The following SLC24A3 variants were observed in gnomAD, a reference collection of about 807,000 sequenced individuals.
SLC24A3 encodes solute carrier family 24 member 3.
In SLC24A3, 28 loss-of-function variants were observed where a neutral mutation model predicts 75.8. The ratio of observed to expected loss-of-function variants is 0.37; its 90% CI spans 0.27 to 0.51. SLC24A3 has a LOEUF of 0.51. Ranked by LOEUF, SLC24A3 falls within the 20% of genes least tolerant of loss-of-function variation. The probability of loss-of-function intolerance (pLI) is 0.94; values close to 1 mark genes in which losing one functional copy is unlikely to be tolerated. For synonymous variants in SLC24A3, 372 were observed against 334.1 expected, an observed-to-expected ratio of 1.11 and a Z score of -1.24; for missense variants, 663 against 847.8, an observed-to-expected ratio of 0.78 and a Z score of 2.71.
intron 2 of SLC24A3, among the ~76,000 whole-genome samples, chr20:19,442,820 G>A (rs562931626): frequency 2.0e-5 from 3 of 152,236 alleles, no homozygotes; most frequent in Admixed American, 6.5e-5. Flanking sequence ...AGGTTTTACA[G>A]TTTTGCATTT....
intron 3 of SLC24A3, among the ~76,000 whole-genome samples, chr20:19,570,347 T>A (rs2031033030): frequency 6.6e-6 from 1 of 152,062 alleles, no homozygotes; most frequent in East Asian, 1.9e-4. Context: ...CACTTCAACA[T>A]GAGATCTGGG....
intron 2 of SLC24A3, among the ~76,000 whole-genome samples, chr20:19,411,300 T>C (rs1033607479): frequency 1.3e-5 from 2 of 152,226 alleles, no homozygotes; most frequent in African/African-American, 4.8e-5. Context: ...GAATTCTTGC[T>C]TCAAAAAGAA....
At chr20:19,447,580 C>T (rs1214480190) in intron 2 of SLC24A3, among the ~76,000 whole-genome samples, 1 of 152,070 alleles carries the variant, frequency 6.6e-6, no homozygotes, top group African/African-American at 2.4e-5. Flanking sequence ...TAAAATAAAA[C>T]AAAACAAATA....
chr20:19,239,343 C>T (rs1428785036), intron 1 of SLC24A3, among the ~76,000 whole-genome samples: 2 of 152,178 alleles, frequency 1.3e-5, no homozygotes, highest in Non-Finnish European at 2.9e-5. Context: ...TTTCTAGTGC[C>T]ACCTCCTGCA....
chr20:19,607,422 C>T (rs539118403), intron 6 of SLC24A3, among the ~76,000 whole-genome samples: 100 of 152,342 alleles, frequency 6.6e-4, no homozygotes, highest in African/African-American at 2.3e-3. Context: ...CTCCCATCCT[C>T]ATGACTTAGT....
chr20:19,272,544 C>T (rs907716477), intron 1 of SLC24A3, among the ~76,000 whole-genome samples: 6 of 152,248 alleles, frequency 3.9e-5, no homozygotes, highest in African/African-American at 1.4e-4. Flanking sequence ...CTAGGGACCA[C>T]ACTTTGAGAA....
chr20:19,363,640 G>A (rs1985832786), intron 2 of SLC24A3, among the ~76,000 whole-genome samples: 1 of 152,068 alleles, frequency 6.6e-6, no homozygotes. Context: ...ACCAACCCTG[G>A]GAGAGACGCT....
In SLC24A3 at chr20:19,271,560, C is replaced by T. The variant is rs187658022; in HGVS notation, c.143-9399C>T. ...CATGCATGTTTATAGCAGCACAATTCGCAATTGCAAAAATATGGAATCAGG... is the reference window on the plus strand; with the variant it reads ...CATGCATGTTTATAGCAGCACAATTTGCAATTGCAAAAATATGGAATCAGG... On this transcript the variant is annotated intron_variant, in intron 1 of 16. Coordinates refer to ENST00000328041, the MANE Select transcript of SLC24A3 (RefSeq NM_020689.4). 1.4e-3 allele frequency among the ~76,000 whole-genome samples: 206 copies of T among 152,198 alleles called. 2 individuals carry two copies. The highest frequency in any genetic ancestry group is 3.7e-3 in the African/African-American group (153 of 41,504).
intron 8 of SLC24A3, among the ~76,000 whole-genome samples, chr20:19,666,352 A>G (rs370681570): frequency 9.2e-5 from 14 of 152,026 alleles, no homozygotes; most frequent in African/African-American, 3.1e-4. Flanking sequence ...TAAAAATACA[A>G]AAAATTAGCC....
At chr20:19,592,001 G>A (rs2031385074) in intron 6 of SLC24A3, among the ~76,000 whole-genome samples, 1 of 152,168 alleles carries the variant, frequency 6.6e-6, no homozygotes, top group Non-Finnish European at 1.5e-5. Flanking sequence ...TGGGTTGTGT[G>A]CTAAGTATGT....
intron 6 of SLC24A3, among the ~76,000 whole-genome samples, chr20:19,617,207 C>T (rs1299758321): frequency 6.6e-6 from 1 of 152,250 alleles, no homozygotes; most frequent in Non-Finnish European, 1.5e-5. Context: ...TCCCTGGACT[C>T]TCGAGTCTGA....
intron 6 of SLC24A3, among the ~76,000 whole-genome samples, chr20:19,649,167 C>G (rs1332026934): frequency 1.3e-5 from 2 of 152,190 alleles, no homozygotes; most frequent in Non-Finnish European, 2.9e-5. Flanking sequence ...ATGCAAAGAG[C>G]CTCCCATTTG....
intron 6 of SLC24A3, among the ~76,000 whole-genome samples, chr20:19,653,195 C>T (rs1345489880): frequency 6.6e-6 from 1 of 152,236 alleles, no homozygotes; most frequent in Non-Finnish European, 1.5e-5. Context: ...CCCCTCTCCT[C>T]AAACTCTCCC....
intron 3 of SLC24A3, among the ~76,000 whole-genome samples, chr20:19,522,684 G>A (rs1455575602): frequency 6.6e-6 from 1 of 152,208 alleles, no homozygotes; most frequent in African/African-American, 2.4e-5. Flanking sequence ...TTCAGACGGA[G>A]CTGCCCTCCT....
intron 4 of SLC24A3, among the ~76,000 whole-genome samples, chr20:19,580,710 C>G (rs1224843577): frequency 6.6e-6 from 1 of 152,160 alleles, no homozygotes; most frequent in Non-Finnish European, 1.5e-5. Flanking sequence ...TCATCTCTGT[C>G]TGTTTGGAAA....
chr20:19,300,162 C>T (rs73284638), intron 2 of SLC24A3, among the ~76,000 whole-genome samples: 3,067 of 152,344 alleles, frequency 0.02, 42 homozygotes, highest in African/African-American at 0.031. Context: ...ATTTCTCTTA[C>T]ATGAAGTGAC....
At chr20:19,236,040 C>A (rs1420805194) in intron 1 of SLC24A3, among the ~76,000 whole-genome samples, 1 of 152,260 alleles carries the variant, frequency 6.6e-6, no homozygotes, top group African/African-American at 2.4e-5. Flanking sequence ...CTCCAACGTC[C>A]TGACCACTTC....
intron 4 of SLC24A3, among the ~76,000 whole-genome samples, chr20:19,583,707 A>T (rs970790840): frequency 1.3e-5 from 2 of 152,192 alleles, no homozygotes; most frequent in African/African-American, 4.8e-5. Flanking sequence ...GGTCTCGGCA[A>T]ACCATACAGG....
intron 1 of SLC24A3, among the ~76,000 whole-genome samples, chr20:19,274,690 G>C (rs1008173764): frequency 6.6e-6 from 1 of 152,178 alleles, no homozygotes; most frequent in African/African-American, 2.4e-5. Context: ...ATCCACAGAG[G>C]GTGAGGACAC....
Sources: allele counts gnomAD v4.1 joint callset (sites outside exome capture counted in the v4.1 genomes callset), GRCh38; gene constraint gnomAD v4.1.1; transcripts MANE v1.5; gene names NCBI Gene and HGNC (gene_info 2026-07-23, HGNC 2026-07-21).